Variants in DSCAML1 observed in about 807,000 individuals in gnomAD.
DSCAML1 encodes cell adhesion molecule DSCAML1.
Under a neutral mutation model 200.5 loss-of-function variants are expected in DSCAML1, and 38 were observed. The ratio of observed to expected loss-of-function variants is 0.19; its 90% CI spans 0.15 to 0.25. DSCAML1 has a LOEUF of 0.25. Ranked by LOEUF, DSCAML1 falls within the 10% of genes least tolerant of loss-of-function variation. DSCAML1 has a pLI of 1.00. For synonymous variants in DSCAML1, 1,215 were observed against 1,165.0 expected, an observed-to-expected ratio of 1.04 and a Z score of -0.87; for missense variants, 2,223 against 2,858.8, an observed-to-expected ratio of 0.78 and a Z score of 5.07.
intron 1 of DSCAML1, among the ~76,000 whole-genome samples, chr11:117,806,124 C>T (rs929525779): frequency 2.0e-5 from 3 of 152,168 alleles, no homozygotes; most frequent in South Asian, 2.1e-4. Flanking sequence ...GACTGTTTGT[C>T]GAATGAAGCT....
Position 117,505,779 on chromosome 11 carries a change from C to G in DSCAML1, c.1784-47G>C. On this transcript the variant is annotated intron_variant, in intron 8 of 32. Transcript: ENST00000651296. The surrounding 1 kb of genome is among the most constrained non-coding windows in gnomAD (Gnocchi z 6.7). Reference sequence around the variant, plus strand: ...GCCGTCAGGACCCTGTGCATTCTCACCTGGCCGCCAACGCCGCCTCACCTG... The same window carrying G: ...GCCGTCAGGACCCTGTGCATTCTCAGCTGGCCGCCAACGCCGCCTCACCTG... 6.4e-7 allele frequency: 1 copy of G among 1,570,434 alleles called. No homozygotes were observed. The highest frequency in any genetic ancestry group is 8.6e-7 in the Non-Finnish European group (1 of 1,158,786).
At chr11:117,716,415 C>T (rs2053953109) in intron 3 of DSCAML1, among the ~76,000 whole-genome samples, 1 of 152,166 alleles carries the variant, frequency 6.6e-6, no homozygotes. Flanking sequence ...GGTCACCAAA[C>T]AAGAGCTTTG....
chr11:117,673,746 G>A (rs901421550), intron 3 of DSCAML1, among the ~76,000 whole-genome samples: 1 of 152,224 alleles, frequency 6.6e-6, no homozygotes, highest in African/African-American at 2.4e-5. Context: ...CCAGGCCTGG[G>A]CTCACGCTGT....
intron 3 of DSCAML1, among the ~76,000 whole-genome samples, chr11:117,556,145 A>T (rs2050555100): frequency 6.6e-6 from 1 of 152,198 alleles, no homozygotes; most frequent in South Asian, 2.1e-4. Flanking sequence ...TATGAGAATT[A>T]CAGGAGATGA....
upstream of DSCAML1, among the ~76,000 whole-genome samples, chr11:117,802,222 T>G (rs2055666567): frequency 6.6e-6 from 1 of 152,176 alleles, no homozygotes; most frequent in South Asian, 2.1e-4. Flanking sequence ...CTTTTTCACC[T>G]GTTTAAGGCT....
Position 117,452,841 on chromosome 11 carries a change from A to G in DSCAML1, c.3569-2153T>C, listed in dbSNP as rs185519563. On this transcript the variant is annotated intron_variant, in intron 19 of 32. Transcript: ENST00000651296. Reference sequence around the variant, plus strand: ...TTTAGTTTACCAAAGTCTAATATCAATGGGCACTTTTCTTCTCAGACAATG... The same window carrying G: ...TTTAGTTTACCAAAGTCTAATATCAGTGGGCACTTTTCTTCTCAGACAATG... Among the ~76,000 whole-genome samples the G allele has an allele frequency of 1.7e-3, 261 of 152,312 alleles. 1 individual carries two copies. The highest frequency in any genetic ancestry group is 5.9e-3 in the African/African-American group (247 of 41,572).
At chr11:117,515,021 C>T (rs577112159) in intron 8 of DSCAML1, among the ~76,000 whole-genome samples, 22 of 152,132 alleles carry the variant, frequency 1.4e-4, no homozygotes, top group South Asian at 2.1e-4. Flanking sequence ...GCACACAGTG[C>T]GCCTGCCGCA....
chr11:117,776,581 G>A (rs1017515132), intron 3 of DSCAML1, among the ~76,000 whole-genome samples: 6 of 151,958 alleles, frequency 3.9e-5, no homozygotes, highest in Non-Finnish European at 7.4e-5. Context: ...ACCAGTGTGT[G>A]AGTCTTCAAC....
intron 3 of DSCAML1, among the ~76,000 whole-genome samples, chr11:117,581,101 G>C (rs572918991): frequency 1.9e-3 from 286 of 152,330 alleles, no homozygotes; most frequent in African/African-American, 6.4e-3. Context: ...CTGAGCCGAA[G>C]CCTCCTCCTT....
intron 3 of DSCAML1, among the ~76,000 whole-genome samples, chr11:117,639,158 G>A (rs1048579179): frequency 2.0e-5 from 3 of 152,142 alleles, no homozygotes; most frequent in Non-Finnish European, 4.4e-5. Context: ...CATCCCAAGT[G>A]TGCAAACAAA....
At chr11:117,506,778 C>G (rs2049508382) in intron 8 of DSCAML1, among the ~76,000 whole-genome samples, 1 of 152,078 alleles carries the variant, frequency 6.6e-6, no homozygotes, top group African/African-American at 2.4e-5. Context: ...AACTTCTGGT[C>G]TCAAGTGATC....
Position 117,431,621 on chromosome 11 carries a change from T to C in DSCAML1, c.5287A>G (p.Thr1763Ala), listed in dbSNP as rs143995768. The change falls in exon 31 of 33, where the codon ACC becomes GCC. Residue 1763 changes from threonine to alanine, a missense_variant. By Grantham distance (58) the Thr-to-Ala change is moderately conservative. Transcript: ENST00000651296. ...GAGCCCACGGTGCGCCAGTCGGAGG[T>C]GAGGGTGCGGGCAGGTGTGGAGGCC... Reference protein sequence around the residue: ...CQASTPARTLTSDWRTVGSQH... With the variant: ...CQASTPARTLASDWRTVGSQH... 6.8e-6 allele frequency: 11 copies of C among 1,612,640 alleles called. No homozygotes were observed. Among genetic ancestry groups the C allele is most frequent in the Non-Finnish European group, 9.3e-6 (11 of 1,179,270 alleles).
chr11:117,493,058 C>G (rs1444421992), intron 11 of DSCAML1, among the ~76,000 whole-genome samples: 4 of 152,088 alleles, frequency 2.6e-5, no homozygotes, highest in African/African-American at 7.2e-5. Flanking sequence ...ACACAGGGAG[C>G]AGAACTGGGC....
chr11:117,797,184 C>A lies in DSCAML1; in HGVS notation c.-105G>T. On this transcript the variant is annotated 5_prime_UTR_variant, in exon 1 of 33. Transcript: ENST00000651296. ...TCCCAGCCGCCCGCACTCGGCGCCC[C>A]GCTCTCTCTGCTCCTCAGCCCAGCG... 1.3e-6 allele frequency: 2 copies of A among 1,565,954 alleles called. No individual in the cohort carries two copies. Among genetic ancestry groups the A allele is most frequent in the Non-Finnish European group, 1.7e-6 (2 of 1,157,882 alleles).
At chr11:117,606,363 C>T (rs2051566512) in intron 3 of DSCAML1, among the ~76,000 whole-genome samples, 1 of 152,202 alleles carries the variant, frequency 6.6e-6, no homozygotes, top group Non-Finnish European at 1.5e-5. Context: ...GTGTAAACTC[C>T]CCCGCTGTGA....
At chr11:117,493,579 G>T (rs1352449227) in intron 11 of DSCAML1, among the ~76,000 whole-genome samples, 1 of 152,056 alleles carries the variant, frequency 6.6e-6, no homozygotes, top group Admixed American at 6.5e-5. Flanking sequence ...CTCCCAAAGT[G>T]CTGGGATTAC....
At chr11:117,556,962 C>T (rs1321338068) in intron 3 of DSCAML1, among the ~76,000 whole-genome samples, 1 of 152,180 alleles carries the variant, frequency 6.6e-6, no homozygotes, top group African/African-American at 2.4e-5. Flanking sequence ...ACATTAGCAT[C>T]TCACCAGTGA....
chr11:117,458,944 C>T (rs766388068), intron 18 of DSCAML1, 35 bp from the exon 19 acceptor site: 1 of 1,602,752 alleles, frequency 6.2e-7, no homozygotes, highest in Non-Finnish European at 8.5e-7. Flanking sequence ...GGACCCAGCT[C>T]CATCGGGCTG....
At chr11:117,621,362 A>T (rs2051925990) in intron 3 of DSCAML1, among the ~76,000 whole-genome samples, 1 of 152,240 alleles carries the variant, frequency 6.6e-6, no homozygotes, top group Admixed American at 6.5e-5. Flanking sequence ...CTAGAAATAA[A>T]TTTATTTGCT....
Sources: gnomAD v4.1 joint callset for allele counts (sites outside exome capture counted in the v4.1 genomes callset) on GRCh38, gnomAD v4.1.1 for gene constraint, Gnocchi (gnomAD v3.1) non-coding constraint, MANE v1.5 for transcripts, NCBI Gene and HGNC (gene_info 2026-07-23, HGNC 2026-07-21) for gene names.